The following MBTPS1 variants were observed in gnomAD, a reference collection of about 807,000 sequenced individuals.
MBTPS1 encodes membrane-bound transcription factor site-1 protease.
MBTPS1 carries 94 observed loss-of-function variants against 127.8 expected under a neutral mutation model. The observed-to-expected ratio is 0.74, with a 90% confidence interval of 0.62 to 0.87. The LOEUF (loss-of-function observed/expected upper bound fraction) is 0.87, where lower values mean the gene tolerates loss of function less well. Among genes scored for constraint, MBTPS1 ranks in the 40% least tolerant of loss-of-function variants. MBTPS1 has a pLI of 0.00. For synonymous variants in MBTPS1, 632 were observed against 509.4 expected, an observed-to-expected ratio of 1.24 and a Z score of -3.24; for missense variants, 1,636 against 1,353.2, an observed-to-expected ratio of 1.21 and a Z score of -3.28.
rs11325729 is a variant in MBTPS1, at chr16:84,090,999, C to CAA, written c.964-59_964-58dup. The CAA allele has an allele frequency of 1.9e-3, 1,460 of 766,474 alleles. 3 individuals are homozygous for CAA. The highest frequency in any genetic ancestry group is 7.2e-3 in the South Asian group (372 of 51,932). The allele number at this position is 766,474 out of a possible 1,614,324, so 47.5% of individuals were successfully genotyped here. On this transcript the variant is annotated intron_variant, in intron 7 of 22. Coordinates refer to ENST00000343411, the MANE Select transcript of MBTPS1 (RefSeq NM_003791.4). ...TCCCTTTCATTAAACATATAACTGT[C>CAA]AAAAAAAAAAAAAAAACCATACACA...
At chr16:84,054,999 G>A (rs1254762241) in intron 22 of MBTPS1, among the ~76,000 whole-genome samples, 2 of 152,202 alleles carry the variant, frequency 1.3e-5, no homozygotes, top group African/African-American at 4.8e-5. Context: ...GGGAAGATGG[G>A]CACGTCTCTA....
intron 8 of MBTPS1, among the ~76,000 whole-genome samples, chr16:84,090,549 G>C (rs753532763): frequency 6.6e-6 from 1 of 152,148 alleles, no homozygotes; most frequent in Non-Finnish European, 1.5e-5. Flanking sequence ...ATCCCTAATA[G>C]ATTCACTTTT....
chr16:84,099,256 A>G lies in MBTPS1; in HGVS notation c.218T>C (p.Ile73Thr). 1 of 1,614,212 alleles carries G rather than the reference A, an allele frequency of 6.2e-7. No individual in the cohort carries two copies. Among genetic ancestry groups the G allele is most frequent in the Non-Finnish European group, 8.5e-7 (1 of 1,180,022 alleles). Residue 73 changes from isoleucine to threonine, a missense_variant, in exon 3 of 23, where the codon ATT becomes ACT. Physicochemically the swap from Ile to Thr is moderately conservative, Grantham distance 89. Transcript: ENST00000343411. ...TTCACTGCTCTTCAGGGCACTTGAA[A>G]TAAATGAATTTCTAGCTTTGGCTGT... The part of the protein sequence containing the change: ...YFTAKARNSF[I>T]SSALKSSEVD...
chr16:84,093,332 C>T, intron 5 of MBTPS1, 35 bp from the exon 6 acceptor site: 1 of 1,356,000 alleles, frequency 7.4e-7, no homozygotes, highest in African/African-American at 1.4e-5. Flanking sequence ...CCATAAAACA[C>T]ACTGAATAGC....
At chr16:84,093,330 C>T in intron 5 of MBTPS1, 33 bp from the exon 6 acceptor site, 2 of 1,385,222 alleles carry the variant, frequency 1.4e-6, no homozygotes, top group Non-Finnish European at 2.1e-6. Flanking sequence ...TCCCATAAAA[C>T]ACACTGAATA....
In MBTPS1 at chr16:84,095,261, G is replaced by A. The variant is rs557983850; in HGVS notation, c.625+341C>T. On this transcript the variant is annotated intron_variant, in intron 4 of 22. Transcript: ENST00000343411. ...GGCCTGTCGGTCAGCGCCAGTGGCC[G>A]GCAGCGCTGTGCTCGTTTGTGTATG... Among the ~76,000 whole-genome samples, 10 of 152,344 alleles carry A rather than the reference G, an allele frequency of 6.6e-5. No individual in the cohort carries two copies. In the South Asian group the frequency reaches 1.0e-3, roughly 16 times the overall value.
At chr16:84,094,203 C>A (rs2086149438) in intron 4 of MBTPS1, among the ~76,000 whole-genome samples, 1 of 152,008 alleles carries the variant, frequency 6.6e-6, no homozygotes, top group Non-Finnish European at 1.5e-5. Flanking sequence ...AGGTCTCCAC[C>A]CCCCACCTTC....
At chr16:84,098,911 A>T in intron 3 of MBTPS1, 142 bp downstream of exon 3, 4 of 872,440 alleles carry the variant, frequency 4.6e-6, no homozygotes, top group Non-Finnish European at 7.0e-6. Flanking sequence ...AAACTAAAAA[A>T]TTCCTACCAG....
intron 9 of MBTPS1, chr16:84,086,708 G>C (rs570132582): frequency 1.3e-5 from 2 of 152,424 alleles, no homozygotes; most frequent in Non-Finnish European, 2.9e-5. Context: ...GAGATGCTCT[G>C]ACCCTGAAGA....
chr16:84,100,135 G>T (rs1316621828), intron 2 of MBTPS1, among the ~76,000 whole-genome samples: 2 of 152,184 alleles, frequency 1.3e-5, no homozygotes, highest in Non-Finnish European at 2.9e-5. Context: ...GTGTAGGCTG[G>T]GCACAGTGGC....
intron 4 of MBTPS1, 68 bp downstream of exon 4, chr16:84,095,534 C>A: frequency 1.3e-6 from 2 of 1,548,012 alleles, no homozygotes; most frequent in Non-Finnish European, 1.8e-6. Flanking sequence ...GGACTTTCCG[C>A]GCCTTCCCTG....
intron 3 of MBTPS1, among the ~76,000 whole-genome samples, chr16:84,098,594 C>T (rs537891448): frequency 2.0e-5 from 3 of 151,806 alleles, no homozygotes; most frequent in African/African-American, 4.8e-5. Flanking sequence ...GCAACAAGAG[C>T]GAAACTCCGT....
intron 18 of MBTPS1, among the ~76,000 whole-genome samples, chr16:84,063,978 GTTACA>G (rs967945225): frequency 2.0e-5 from 3 of 152,108 alleles, no homozygotes; most frequent in African/African-American, 7.2e-5. Context: ...TAAGACATCG[GTTACA>G]TTAATTTCAC....
At chr16:84,094,164 C>T (rs2086148984) in intron 4 of MBTPS1, among the ~76,000 whole-genome samples, 1 of 152,132 alleles carries the variant, frequency 6.6e-6, no homozygotes, top group Non-Finnish European at 1.5e-5. Context: ...CTGGCACCTA[C>T]TGATACTCCC....
intron 1 of MBTPS1, among the ~76,000 whole-genome samples, chr16:84,106,105 G>T (rs1003712623): frequency 3.3e-5 from 5 of 152,112 alleles, no homozygotes; most frequent in African/African-American, 9.7e-5. Flanking sequence ...GACCATCCTG[G>T]CCAAAATGGT....
At chr16:84,081,028 T>C (rs1378870235) in intron 11 of MBTPS1, among the ~76,000 whole-genome samples, 1 of 152,246 alleles carries the variant, frequency 6.6e-6, no homozygotes, top group Non-Finnish European at 1.5e-5. Context: ...TGTGGGATCC[T>C]GGACTGGATC....
chr16:84,114,817 A>G (rs1021948517), intron 1 of MBTPS1, among the ~76,000 whole-genome samples: 10 of 140,490 alleles, frequency 7.1e-5, no homozygotes, highest in Non-Finnish European at 1.4e-4. Context: ...CGACAGAGCG[A>G]GACTCTGTCT....
At chr16:84,073,209 C>G (rs1166779871) in intron 12 of MBTPS1, among the ~76,000 whole-genome samples, 1 of 152,220 alleles carries the variant, frequency 6.6e-6, no homozygotes, top group Non-Finnish European at 1.5e-5. Flanking sequence ...TCTCGGCCCA[C>G]TGCAACCTCC....
At chr16:84,072,359 A>G (rs1487438478) in intron 12 of MBTPS1, among the ~76,000 whole-genome samples, 1 of 152,162 alleles carries the variant, frequency 6.6e-6, no homozygotes, top group East Asian at 1.9e-4. Context: ...TCTTTTAGGG[A>G]ATGTTCCTGA....
Sources: allele counts gnomAD v4.1 joint callset (sites outside exome capture counted in the v4.1 genomes callset), GRCh38; gene constraint gnomAD v4.1.1; transcripts MANE v1.5; gene names NCBI Gene and HGNC (gene_info 2026-07-23, HGNC 2026-07-21).